DIP2A: variants seen among roughly 807,000 people sequenced by gnomAD.
DIP2A encodes the protein DIP2 acetate--CoA ligase A, also known as disco-interacting protein 2 homolog A.
In DIP2A, 85 loss-of-function variants were observed where a neutral mutation model predicts 177.4. The ratio of observed to expected loss-of-function variants is 0.48; its 90% confidence interval spans 0.40 to 0.57. DIP2A has a LOEUF of 0.57. DIP2A is among the 20% of genes least tolerant of loss of function. The pLI is 0.00. For missense variants in DIP2A, 1,791 were observed against 2,100.2 expected, an observed-to-expected ratio of 0.85 and a Z score of 2.88; for synonymous variants, 886 against 881.8, an observed-to-expected ratio of 1.00 and a Z score of -0.08.
intron 22 of DIP2A, chr21:46,550,105 T>A: frequency 8.3e-7 from 1 of 1,206,656 alleles, no homozygotes; most frequent in Non-Finnish European, 1.1e-6. Context: ...ATAATTAATA[T>A]ATCCATCACC....
chr21:46,471,206 T>G (rs569409390), intron 1 of DIP2A, among the ~76,000 whole-genome samples: 4 of 152,142 alleles, frequency 2.6e-5, no homozygotes, highest in African/African-American at 7.2e-5. Flanking sequence ...CTTTTAAAGT[T>G]TTTTTTTAGA....
At chr21:46,478,863 C>T (rs567307016) in intron 1 of DIP2A, among the ~76,000 whole-genome samples, 1 of 151,958 alleles carries the variant, frequency 6.6e-6, no homozygotes, top group Non-Finnish European at 1.5e-5. Context: ...GGATTTTAGT[C>T]ATAGTTTCTT....
downstream of DIP2A, among the ~76,000 whole-genome samples, chr21:46,573,645 CAAAAAAAAAAAAAAAAAAA>C (rs201994694): frequency 6.8e-3 from 361 of 52,972 alleles, 2 homozygotes; most frequent in African/African-American, 0.027. Flanking sequence ...CCCTCTCTCA[CAAAAAAAAAAAAAAAAAAA>C]AAAAAAAAAA....
At chr21:46,551,503 A>G in intron 23 of DIP2A, 131 bp from the exon 24 acceptor site, 1 of 758,652 alleles carries the variant, frequency 1.3e-6, no homozygotes, top group Non-Finnish European at 2.1e-6. Context: ...CTTTCTGAAT[A>G]TTTGTATCTC....
chr21:46,526,984 C>T (rs1202874593), intron 8 of DIP2A, among the ~76,000 whole-genome samples: 1 of 149,518 alleles, frequency 6.7e-6, no homozygotes, highest in Non-Finnish European at 1.5e-5. Context: ...CTAAAGATGC[C>T]CCTTATCACA....
chr21:46,470,251 G>T (rs936737956), intron 1 of DIP2A, among the ~76,000 whole-genome samples: 1 of 152,198 alleles, frequency 6.6e-6, no homozygotes, highest in African/African-American at 2.4e-5. Context: ...AAGGCGGGCG[G>T]ATCACCTGGG....
intron 8 of DIP2A, among the ~76,000 whole-genome samples, chr21:46,514,206 A>G (rs1338330270): frequency 1.3e-5 from 2 of 152,092 alleles, no homozygotes. Context: ...AGGCCGAGGC[A>G]GGCGGATCAT....
At chr21:46,572,161 T>G (rs1803614081), downstream of DIP2A, among the ~76,000 whole-genome samples, 1 of 152,246 alleles carries the variant, frequency 6.6e-6, no homozygotes, top group African/African-American at 2.4e-5. Flanking sequence ...GAAAAAAGTT[T>G]ATAAAGATGT....
At chr21:46,476,133 C>T (rs2055823578) in intron 1 of DIP2A, among the ~76,000 whole-genome samples, 1 of 151,340 alleles carries the variant, frequency 6.6e-6, no homozygotes. Context: ...GTAGTCCCAG[C>T]TACTCGGGAG....
chr21:46,527,912 G>A (rs557339179), intron 8 of DIP2A, among the ~76,000 whole-genome samples: 5 of 152,168 alleles, frequency 3.3e-5, no homozygotes, highest in African/African-American at 9.6e-5. Flanking sequence ...TGCCTCTGTC[G>A]TCCTCTCTAG....
At chr21:46,552,946 GA>G (rs1018937524) in intron 25 of DIP2A, 2 of 152,372 alleles carry the variant, frequency 1.3e-5, no homozygotes, top group African/African-American at 4.8e-5. Context: ...GAGTGCTGGG[GA>G]GGGGGCTTTG....
intron 11 of DIP2A, 40 bp from the exon 12 acceptor site, chr21:46,533,964 C>G: frequency 6.4e-7 from 1 of 1,561,024 alleles, no homozygotes; most frequent in Non-Finnish European, 8.8e-7. Flanking sequence ...GCAGATGCCT[C>G]TGACTGCTTG....
At position 46,556,041 on chromosome 21, in the gene DIP2A, G is replaced by T. The variant is rs575030942; in HGVS notation, c.3448G>T (p.Ala1150Ser). The T allele has an allele frequency of 6.2e-7, 1 of 1,613,766 alleles. No homozygotes were observed. Residue 1150 changes from alanine (A) to serine (S), a missense_variant, in exon 29 of 38, where the codon GCA becomes TCA. Ala to Ser is a moderately conservative substitution (Grantham distance 99). Coordinates refer to ENST00000417564, the MANE Select transcript of DIP2A (RefSeq NM_015151.4). The surrounding 1 kb of genome is among the most constrained non-coding windows in gnomAD (Gnocchi z 4.5). ...VFRPPSPDVL[A>S]YLDFSVSTTG... The stretch of plus-strand genomic sequence containing the variant: ...CAGGCCCCCCTCCCCCGATGTCCTC[G>T]CATACTTGGACTTCAGCGTGTCAAC...
At chr21:46,509,852 C>T (rs1020937779) in intron 7 of DIP2A, among the ~76,000 whole-genome samples, 5 of 152,078 alleles carry the variant, frequency 3.3e-5, no homozygotes, top group African/African-American at 7.2e-5. Flanking sequence ...GTGAGTGTGT[C>T]GTTAGGGCCA....
the DIP2A span, among the ~76,000 whole-genome samples, chr21:46,578,143 C>G: frequency 7.2e-5 from 11 of 152,238 alleles, no homozygotes; most frequent in South Asian, 2.3e-3. Flanking sequence ...GAAATCCTGT[C>G]TCTAGTAAAA....
chr21:46,514,048 T>A (rs1019841673), intron 8 of DIP2A, among the ~76,000 whole-genome samples: 1 of 152,166 alleles, frequency 6.6e-6, no homozygotes, highest in Non-Finnish European at 1.5e-5. Flanking sequence ...TTTTATTAGA[T>A]TTATTCCTGT....
intron 26 of DIP2A, 101 bp from the exon 27 acceptor site, chr21:46,554,474 C>T (rs2060383697): frequency 2.6e-6 from 4 of 1,549,704 alleles, no homozygotes; most frequent in Non-Finnish European, 3.5e-6. Context: ...ACCCATGCCC[C>T]CCCAGCACCA....
chr21:46,529,031 TA>T, intron 8 of DIP2A, 60 bp from the exon 9 acceptor site: 1 of 1,141,340 alleles, frequency 8.8e-7, no homozygotes. Flanking sequence ...GTTTCTACAT[TA>T]AAATGTTAAT....
intron 1 of DIP2A, among the ~76,000 whole-genome samples, chr21:46,460,763 G>A (rs1181013431): frequency 1.3e-5 from 2 of 151,628 alleles, no homozygotes; most frequent in Non-Finnish European, 2.9e-5. Context: ...GCGTGATCTC[G>A]GCTCACTGCA....
Sources: gnomAD v4.1 joint callset for allele counts (sites outside exome capture counted in the v4.1 genomes callset) on GRCh38, gnomAD v4.1.1 for gene constraint, Gnocchi (gnomAD v3.1) non-coding constraint, MANE v1.5 for transcripts, NCBI Gene and HGNC (gene_info 2026-07-23, HGNC 2026-07-21) for gene names.